Variants in TRDMT1 observed in about 807,000 individuals in gnomAD.
The protein encoded by TRDMT1 is tRNA aspartic acid methyltransferase 1.
A neutral mutation model predicts 51.2 loss-of-function variants in TRDMT1; 49 were observed. That is an observed-to-expected ratio of 0.96 (90% CI 0.76 to 1.21). The LOEUF is 1.21. Among genes scored for constraint, TRDMT1 ranks in the 50% most tolerant of loss-of-function variants. The pLI, the probability that TRDMT1 is intolerant of heterozygous loss-of-function variation, is 0.00. For missense variants in TRDMT1, 534 were observed against 462.3 expected (o/e 1.16, Z -1.42); for synonymous variants, 187 against 164.6 (o/e 1.14, Z -1.04).
In TRDMT1 at chr10:17,148,081, T is replaced by C; in HGVS notation, c.*959A>G. On this transcript the variant is annotated 3_prime_UTR_variant, in exon 11 of 11. Coordinates refer to ENST00000377799, the MANE Select transcript of TRDMT1 (RefSeq NM_004412.7). Reference sequence around the variant, plus strand: ...TTGCTTTTATCACAAACCATAGAATTTATGATGCAAGACTTAGTTTGATTA... The same window carrying C: ...TTGCTTTTATCACAAACCATAGAATCTATGATGCAAGACTTAGTTTGATTA... 2.0e-6 allele frequency: 2 copies of C among 985,406 alleles called. No individual in the cohort carries two copies. The highest frequency in any genetic ancestry group is 2.4e-6 in the Non-Finnish European group (2 of 829,918). The allele number at this position is 985,406 out of a possible 1,614,324, so 61.0% of individuals were successfully genotyped here.
chr10:17,164,567 G>A (rs1419814564), intron 3 of TRDMT1, among the ~76,000 whole-genome samples: 1 of 152,146 alleles, frequency 6.6e-6, no homozygotes, highest in Non-Finnish European at 1.5e-5. Flanking sequence ...TAGGAAAAGA[G>A]GAAGTCAAAT....
At position 17,139,783 on chromosome 10, in the gene TRDMT1, G is replaced by T. The variant is rs563825308; in HGVS notation, c.*9257C>A. On this transcript the variant is annotated 3_prime_UTR_variant, in exon 11 of 11. Transcript: ENST00000377799. ...ACATAGATCTGTGGGAAGATTTAAG[G>T]TGTTGTCATCAATGGCAGAAAGGAT... Among the ~76,000 whole-genome samples the T allele has an allele frequency of 9.2e-5, 14 of 152,072 alleles. No individual in the cohort carries two copies. Among genetic ancestry groups the T allele is most frequent in the South Asian group, 6.2e-4 (3 of 4,820 alleles).
At position 17,141,170 on chromosome 10, in the gene TRDMT1, A is replaced by T. The variant is rs1349657679; in HGVS notation, c.*7870T>A. On this transcript the variant is annotated 3_prime_UTR_variant, in exon 11 of 11. Coordinates refer to ENST00000377799, the MANE Select transcript of TRDMT1 (RefSeq NM_004412.7). Reference sequence around the variant, plus strand: ...TTTCTCCAGCTGCTTTTATTTATTTATTTATTTTTTTGAGACGGAGTCTCA... The same window carrying T: ...TTTCTCCAGCTGCTTTTATTTATTTTTTTATTTTTTTGAGACGGAGTCTCA... Among the ~76,000 whole-genome samples the T allele has an allele frequency of 6.6e-6, 1 of 151,694 alleles. No individual in the cohort carries two copies. Among genetic ancestry groups the T allele is most frequent in the African/African-American group, 2.4e-5 (1 of 41,210 alleles).
In TRDMT1 at chr10:17,147,504, G is replaced by C. The variant is rs1838222842; in HGVS notation, c.*1536C>G. ...CAACCATCCTCCCCATCCACCTCCA[G>C]AACTTTCTCATCACCCCAATCAGAA... On this transcript the variant is annotated 3_prime_UTR_variant, in exon 11 of 11. Transcript: ENST00000377799. The C allele has an allele frequency of 3.4e-6, 1 of 294,772 alleles. No individual in the cohort carries two copies. The highest frequency in any genetic ancestry group is 5.0e-6 in the Non-Finnish European group (1 of 198,660). 18.3% of individuals were successfully genotyped at this position (294,772 alleles called of 1,614,324 possible).
chr10:17,167,138 C>G (rs1318543093), intron 3 of TRDMT1, among the ~76,000 whole-genome samples: 1 of 152,154 alleles, frequency 6.6e-6, no homozygotes, highest in Non-Finnish European at 1.5e-5. Context: ...AGACTATGAG[C>G]TCCCAAAGGA....
rs1471442691 is a variant in TRDMT1 at position 17,146,282 on chromosome 10, T to A, written c.*2758A>T. On this transcript the variant is annotated 3_prime_UTR_variant, in exon 11 of 11. Coordinates refer to ENST00000377799, the MANE Select transcript of TRDMT1 (RefSeq NM_004412.7). ...GAGGAAGAATAAGTTGGCTGAAGGT[T>A]GGAGGTATTTTCTCATCTTTCCAGA... 1 of 985,324 alleles carries A rather than the reference T, an allele frequency of 1.0e-6. No individual in the cohort carries two copies. The highest frequency in any genetic ancestry group is 1.2e-6 in the Non-Finnish European group (1 of 829,936). 61.0% of individuals were successfully genotyped at this position (985,324 alleles called of 1,614,324 possible). A position where few individuals can be genotyped will look rare whatever the true frequency, so the allele number is the denominator to read the frequency against.
chr10:17,200,073 G>GT (rs1473718917), intron 1 of TRDMT1, among the ~76,000 whole-genome samples: 1 of 152,148 alleles, frequency 6.6e-6, no homozygotes, highest in Non-Finnish European at 1.5e-5. Context: ...TAAAAATTCT[G>GT]TTTTTCACTT....
intron 6 of TRDMT1, 118 bp downstream of exon 6, chr10:17,160,187 C>G: frequency 1.8e-6 from 1 of 556,088 alleles, no homozygotes; most frequent in Non-Finnish European, 2.9e-6. Flanking sequence ...AAACTATTTT[C>G]AGTTTACCTA....
chr10:17,166,152 A>G (rs1227125880), intron 3 of TRDMT1, among the ~76,000 whole-genome samples: 1 of 152,156 alleles, frequency 6.6e-6, no homozygotes, highest in East Asian at 1.9e-4. Context: ...CTAGATTAAG[A>G]AAATGTGGCA....
At chr10:17,170,721 C>G (rs961267472) in intron 2 of TRDMT1, among the ~76,000 whole-genome samples, 1 of 152,280 alleles carries the variant, frequency 6.6e-6, no homozygotes, top group African/African-American at 2.4e-5. Flanking sequence ...TTTTTCAAAT[C>G]TCTTTAACTC....
intron 10 of TRDMT1, among the ~76,000 whole-genome samples, chr10:17,150,090 TCA>T (rs1838489650): frequency 6.6e-6 from 1 of 152,180 alleles, no homozygotes; most frequent in South Asian, 2.1e-4. Flanking sequence ...CATTTCACAT[TCA>T]CACACCCAAA....
intron 1 of TRDMT1, among the ~76,000 whole-genome samples, chr10:17,190,091 G>A (rs890537994): frequency 2.0e-5 from 3 of 152,116 alleles, no homozygotes; most frequent in African/African-American, 7.2e-5. Context: ...AGAAACCATT[G>A]GTCCAGGCGA....
At position 17,139,628 on chromosome 10, in the gene TRDMT1, C is replaced by G. The variant is rs936250826; in HGVS notation, c.*9412G>C. On this transcript the variant is annotated 3_prime_UTR_variant, in exon 11 of 11. Transcript: ENST00000377799. ...GGAAGATAGACGCAGAAGCAGTACA[C>G]ACAGGCATCTTTATCTTGTGAGAGG... Among the ~76,000 whole-genome samples the G allele has an allele frequency of 6.6e-6, 1 of 152,210 alleles. No individual in the cohort carries two copies. The highest frequency in any genetic ancestry group is 6.5e-5 in the Admixed American group (1 of 15,280).
chr10:17,144,707 A>T lies in TRDMT1; in HGVS notation c.*4333T>A. 1 of 985,426 alleles carries T rather than the reference A, an allele frequency of 1.0e-6. No individual in the cohort carries two copies. The highest frequency in any genetic ancestry group is 1.2e-6 in the Non-Finnish European group (1 of 829,930). The allele number at this position is 985,426 out of a possible 1,614,324, so 61.0% of individuals were successfully genotyped here. On this transcript the variant is annotated 3_prime_UTR_variant, in exon 11 of 11. Transcript: ENST00000377799. ...AGACATGAATGGTGATGGAGTTTGG[A>T]TCTTGATTGTGTAAGATTTTGAAGA...
intron 1 of TRDMT1, among the ~76,000 whole-genome samples, chr10:17,186,163 C>A (rs1843888367): frequency 6.6e-6 from 1 of 151,796 alleles, no homozygotes; most frequent in Non-Finnish European, 1.5e-5. Context: ...ATTTAAAACC[C>A]AAAAAATTAC....
chr10:17,149,503 A>G (rs1196325706), intron 10 of TRDMT1, among the ~76,000 whole-genome samples: 3 of 152,272 alleles, frequency 2.0e-5, no homozygotes, highest in Admixed American at 2.0e-4. Context: ...TATAATTTGC[A>G]TAGCATAAAA....
chr10:17,166,176 G>T (rs1209403805), intron 3 of TRDMT1, among the ~76,000 whole-genome samples: 1 of 152,066 alleles, frequency 6.6e-6, no homozygotes, highest in Non-Finnish European at 1.5e-5. Flanking sequence ...ATACACCATG[G>T]AATACTATGC....
chr10:17,191,842 G>A (rs1255862566), intron 1 of TRDMT1, among the ~76,000 whole-genome samples: 2 of 152,112 alleles, frequency 1.3e-5, no homozygotes, highest in Non-Finnish European at 2.9e-5. Context: ...ACACACACAA[G>A]TCAGGTTTTG....
rs1236845723 is a variant in TRDMT1 at position 17,144,856 on chromosome 10, G to A, written c.*4184C>T. On this transcript the variant is annotated 3_prime_UTR_variant, in exon 11 of 11. Transcript: ENST00000377799. ...GAAGCTTTAAAATTTCACCAGCAAA[G>A]ACAAGAAATAGTGAAAGGGAAAATG... 2.0e-6 allele frequency: 2 copies of A among 984,688 alleles called. No individual in the cohort carries two copies. Among genetic ancestry groups the A allele is most frequent in the Non-Finnish European group, 2.4e-6 (2 of 829,792 alleles). The allele number at this position is 984,688 out of a possible 1,614,324, so 61.0% of individuals were successfully genotyped here.
Sources: allele counts gnomAD v4.1 joint callset (sites outside exome capture counted in the v4.1 genomes callset), GRCh38; gene constraint gnomAD v4.1.1; transcripts MANE v1.5; gene names NCBI Gene and HGNC (gene_info 2026-07-23, HGNC 2026-07-21).